ZNF653: variants seen among roughly 807,000 people sequenced by gnomAD.
ZNF653 encodes zinc finger protein 653.
In ZNF653, 37 loss-of-function variants were observed where a neutral mutation model predicts 59.9. The observed-to-expected ratio is 0.62, with a 90% CI of 0.48 to 0.81. The LOEUF (loss-of-function observed/expected upper bound fraction) is 0.81. Ranked by LOEUF, ZNF653 falls within the 40% of genes least tolerant of loss-of-function variation. ZNF653 has a pLI of 0.00. For synonymous variants in ZNF653, 435 were observed against 371.8 expected, an observed-to-expected ratio of 1.17 and a Z score of -1.96; for missense variants, 808 against 881.1, an observed-to-expected ratio of 0.92 and a Z score of 1.05.
At chr19:11,504,768 C>G (rs892150246) in intron 1 of ZNF653, 3 of 156,204 alleles carry the variant, frequency 1.9e-5, no homozygotes, top group African/African-American at 7.2e-5. Context: ...CTCTTCTAAG[C>G]TCTTTGCCTA....
rs1327859053 is a variant in ZNF653, at chr19:11,495,525, G to A, written c.559+425C>T. The A allele has an allele frequency of 3.2e-5, 6 of 190,090 alleles. No individual in the cohort carries two copies. The South Asian group carries it at 4.6e-4, about 15-fold the overall frequency. The allele number at this position is 190,090 out of a possible 1,614,324, so 11.8% of individuals were successfully genotyped here. On this transcript the variant is annotated intron_variant, in intron 3 of 8. Transcript: ENST00000293771. The surrounding 1 kb of genome is among the most constrained non-coding windows in gnomAD (Gnocchi z 4.9). ...GGAGCCAGAGAAAATCGAAAAGGAGGTAGCGGCCAGCTTAGCCAGGGCTCA... is the reference window on the plus strand; with the variant it reads ...GGAGCCAGAGAAAATCGAAAAGGAGATAGCGGCCAGCTTAGCCAGGGCTCA...
chr19:11,490,640 G>A (rs1390942538), intron 3 of ZNF653, among the ~76,000 whole-genome samples: 2 of 151,662 alleles, frequency 1.3e-5, no homozygotes, highest in Non-Finnish European at 2.9e-5. Flanking sequence ...TGATCTGCCC[G>A]CCTTGGCCTC....
In ZNF653 at chr19:11,487,909, G is replaced by C. The variant is rs1471085044; in HGVS notation, c.560-6C>G. 7.6e-6 allele frequency: 12 copies of C among 1,568,638 alleles called. No individual in the cohort carries two copies. The highest frequency in any genetic ancestry group is 1.0e-5 in the Non-Finnish European group (12 of 1,156,620). On this transcript the variant is annotated splice_polypyrimidine_tract_variant and splice_region_variant and intron_variant, in intron 3 of 8. Transcript: ENST00000293771. This position sits in a 1 kb window ranked among gnomAD's most constrained non-coding sequence, Gnocchi z 5.1. ...AGCCACCAGCCCATTGCCCACTGTG[G>C]GGACAGAAGAAAGGGAGTGGTTATG...
intron 8 of ZNF653, 42 bp downstream of exon 8, chr19:11,484,000 C>A: frequency 6.5e-7 from 1 of 1,543,744 alleles, no homozygotes; most frequent in Non-Finnish European, 8.7e-7. Flanking sequence ...GGGATCCCCT[C>A]CCACCCAATC....
At position 11,505,351 on chromosome 19, in the gene ZNF653, C is replaced by T. The variant is rs1971702626; in HGVS notation, c.299+137G>A. The T allele has an allele frequency of 3.2e-6, 3 of 928,170 alleles. No homozygotes were observed. In the South Asian group the frequency reaches 6.6e-5, roughly 20 times the overall value. 57.5% of individuals were successfully genotyped at this position (928,170 alleles called of 1,614,324 possible). ...CGCGTCCCGGCCAGGCAGTACGAGA[C>T]CCAGGCCGCCGGCCCGGCTCCTGGG... On this transcript the variant is annotated intron_variant, in intron 1 of 8. Transcript: ENST00000293771.
intron 3 of ZNF653, among the ~76,000 whole-genome samples, chr19:11,490,188 T>C (rs1272607424): frequency 6.6e-6 from 1 of 152,104 alleles, no homozygotes; most frequent in Non-Finnish European, 1.5e-5. Flanking sequence ...ACTCAGAAAA[T>C]GGCTCTACCT....
At chr19:11,505,221 AG>A (rs1294677996) in intron 1 of ZNF653, 2 of 406,318 alleles carry the variant, frequency 4.9e-6, no homozygotes, top group Admixed American at 9.5e-5. Context: ...TTGGGCCGCC[AG>A]AGTTCTAGCG....
In ZNF653 at chr19:11,487,750, G is replaced by C. The variant is rs563238257; in HGVS notation, c.713C>G (p.Thr238Ser). Residue 238 changes from threonine (T) to serine (S), a missense_variant, in exon 4 of 9, where the codon ACT (threonine) becomes AGT (serine). Transcript: ENST00000293771. The surrounding 1 kb of genome is among the most constrained non-coding windows in gnomAD (Gnocchi z 5.1). Reference sequence around the variant, plus strand: ...AAAGGGAATGTGCACGCCCTCCTGAGTGATGAGCCCGCTGCTGCCCACCGG... The same window carrying C: ...AAAGGGAATGTGCACGCCCTCCTGACTGATGAGCCCGCTGCTGCCCACCGG... The part of the protein sequence containing the change: ...TSPVGSSGLI[T>S]QEGVHIPFDV... 1.3e-5 allele frequency: 21 copies of C among 1,613,316 alleles called. No homozygotes were observed. The East Asian group carries it at 4.2e-4, about 33-fold the overall frequency.
In ZNF653 at chr19:11,487,473, G is replaced by A. The variant is rs145806085; in HGVS notation, c.990C>T (p.Leu330=). The A allele has an allele frequency of 1.9e-6, 3 of 1,613,372 alleles. No homozygotes were observed. The highest frequency in any genetic ancestry group is 1.3e-5 in the African/African-American group (1 of 74,938). The part of the protein sequence containing the change: ...IIIAGPGYDA[L]TAEGIHLNMA... ...TGTTGAGGTGAATGCCCTCGGCCGT[G>A]AGAGCGTCGTAACCAGGGCCCGCAA... is the stretch of plus-strand genomic sequence containing the variant. The change falls in exon 4 of 9, where the codon CTC becomes CTT. Residue 330 remains leucine (L), a synonymous_variant. Coordinates refer to ENST00000293771, the MANE Select transcript of ZNF653 (RefSeq NM_138783.4). This position sits in a 1 kb window ranked among gnomAD's most constrained non-coding sequence, Gnocchi z 5.1.
chr19:11,492,250 T>C (rs928824778), intron 3 of ZNF653, among the ~76,000 whole-genome samples: 1 of 151,892 alleles, frequency 6.6e-6, no homozygotes, highest in African/African-American at 2.4e-5. Flanking sequence ...TTTCACCATA[T>C]TGGACAGGCT....
At chr19:11,505,453 TCCTCCCTC>T in intron 1 of ZNF653, 27 bp downstream of exon 1, 2 of 1,410,098 alleles carry the variant, frequency 1.4e-6, no homozygotes, top group South Asian at 3.0e-5. Context: ...TGGGGGCGTC[TCCTCCCTC>T]CCTCCCTCGG....
chr19:11,493,406 T>C (rs546488335), intron 3 of ZNF653, among the ~76,000 whole-genome samples: 2 of 152,286 alleles, frequency 1.3e-5, no homozygotes, highest in South Asian at 2.1e-4. Context: ...TTTAGGACAG[T>C]AGGAGATTAA....
Position 11,485,710 on chromosome 19 carries a change from C to T in ZNF653, c.1516G>A (p.Gly506Ser). The change falls in exon 7 of 9, where the codon GGC becomes AGC. Residue 506 changes from glycine (G) to serine (S), a missense_variant. Physicochemically the swap from Gly to Ser is moderately conservative, Grantham distance 56. Transcript: ENST00000293771. ...KTKVCPHPGC[G>S]KKFYLSNHLR... ...TGGTTGGATAAATAGAACTTCTTGC[C>T]ACAGCCAGGATGAGGGCACACTTTG... 1 of 1,614,084 alleles carries T rather than the reference C, an allele frequency of 6.2e-7. No homozygotes were observed. Among genetic ancestry groups the T allele is most frequent in the Non-Finnish European group, 8.5e-7 (1 of 1,180,000 alleles).
Position 11,487,259 on chromosome 19 carries a change from C to G in ZNF653, c.1171+33G>C. On this transcript the variant is annotated intron_variant, in intron 4 of 8. Transcript: ENST00000293771. The surrounding 1 kb of genome is among the most constrained non-coding windows in gnomAD (Gnocchi z 5.1). ...CCCGGCCCCTCCCAGGCCCAACCACCCCTGGCCAGAGGCCACGACAGGTCC... is the reference window on the plus strand; with the variant it reads ...CCCGGCCCCTCCCAGGCCCAACCACGCCTGGCCAGAGGCCACGACAGGTCC... 1 of 1,603,164 alleles carries G rather than the reference C, an allele frequency of 6.2e-7. No homozygotes were observed.
At chr19:11,484,803 G>A (rs1019919051) in intron 7 of ZNF653, among the ~76,000 whole-genome samples, 2 of 151,858 alleles carry the variant, frequency 1.3e-5, no homozygotes, top group Non-Finnish European at 2.9e-5. Context: ...TATAATCCCA[G>A]CACTTAGGGA....
At chr19:11,505,267 G>A (rs1015783590) in intron 1 of ZNF653, 10 of 476,750 alleles carry the variant, frequency 2.1e-5, no homozygotes, top group Admixed American at 1.8e-4. Context: ...GGGTCGAGGG[G>A]CTGGGTGCAC....
intron 1 of ZNF653, among the ~76,000 whole-genome samples, chr19:11,502,951 T>C (rs1359110059): frequency 6.6e-6 from 1 of 151,928 alleles, no homozygotes; most frequent in African/African-American, 2.4e-5. Context: ...GGAGAATCGC[T>C]TGAACGCGGG....
chr19:11,494,936 G>A (rs952023066), intron 3 of ZNF653, among the ~76,000 whole-genome samples: 16 of 152,200 alleles, frequency 1.1e-4, no homozygotes, highest in African/African-American at 3.4e-4. Context: ...AGAGGAGGGC[G>A]GAATGCAGAT....
chr19:11,493,195 T>A (rs887270533), intron 3 of ZNF653, among the ~76,000 whole-genome samples: 5 of 151,884 alleles, frequency 3.3e-5, no homozygotes, highest in Non-Finnish European at 7.4e-5. Flanking sequence ...GTAGCTAGGA[T>A]TACAGGCATG....
Sources: gnomAD v4.1 joint callset for allele counts (sites outside exome capture counted in the v4.1 genomes callset) on GRCh38, gnomAD v4.1.1 for gene constraint, Gnocchi (gnomAD v3.1) non-coding constraint, MANE v1.5 for transcripts, NCBI Gene and HGNC (gene_info 2026-07-23, HGNC 2026-07-21) for gene names.